Variants in ROR1 observed in about 807,000 individuals in gnomAD.
ROR1 encodes inactive tyrosine-protein kinase transmembrane receptor ROR1.
Under a neutral mutation model 78.8 loss-of-function variants are expected in ROR1, and 19 were observed. That is an observed-to-expected ratio of 0.24 (90% CI 0.17 to 0.35). The LOEUF is 0.35. ROR1 is among the 10% of genes least tolerant of loss of function. The pLI is 1.00. For missense variants in ROR1, 917 were observed against 1,177.8 expected, an observed-to-expected ratio of 0.78 and a Z score of 3.24; for synonymous variants, 386 against 433.6, an observed-to-expected ratio of 0.89 and a Z score of 1.36.
At chr1:64,140,695 A>C (rs1397595664) in intron 6 of ROR1, among the ~76,000 whole-genome samples, 15 of 152,184 alleles carry the variant, frequency 9.9e-5, no homozygotes, top group Admixed American at 9.8e-4. Context: ...TCTACTCCTG[A>C]GTATGTAATC....
At chr1:64,163,768 C>G (rs973465792) in intron 8 of ROR1, among the ~76,000 whole-genome samples, 1 of 152,168 alleles carries the variant, frequency 6.6e-6, no homozygotes, top group Non-Finnish European at 1.5e-5. Flanking sequence ...CAACATGCTT[C>G]CATCTAAAAG....
chr1:64,128,291 CAAAA>C (rs72429774), intron 4 of ROR1, among the ~76,000 whole-genome samples: 2 of 101,252 alleles, frequency 2.0e-5, no homozygotes, highest in African/African-American at 4.1e-5. Flanking sequence ...CCTGTCTCTA[CAAAA>C]AAAAAAAAAA....
At chr1:64,003,851 A>G (rs566353695) in intron 1 of ROR1, among the ~76,000 whole-genome samples, 3 of 152,358 alleles carry the variant, frequency 2.0e-5, no homozygotes, top group African/African-American at 7.2e-5. Context: ...GCCTTCACCA[A>G]ACAACATCTA....
chr1:63,904,793 A>ACC (rs1645515896), intron 1 of ROR1, among the ~76,000 whole-genome samples: 1 of 152,216 alleles, frequency 6.6e-6, no homozygotes, highest in Non-Finnish European at 1.5e-5. Flanking sequence ...AGCCATCTGT[A>ACC]AGCCAAGGAG....
intron 4 of ROR1, among the ~76,000 whole-genome samples, chr1:64,055,762 C>G (rs1414103254): frequency 6.6e-6 from 1 of 152,160 alleles, no homozygotes; most frequent in Non-Finnish European, 1.5e-5. Flanking sequence ...GTGTGCGACT[C>G]AGTCTTTTTA....
chr1:64,109,322 A>G (rs887117135), intron 4 of ROR1, among the ~76,000 whole-genome samples: 5 of 152,298 alleles, frequency 3.3e-5, no homozygotes, highest in African/African-American at 1.2e-4. Flanking sequence ...TAATCTTCAC[A>G]GTCTTATGAG....
intron 1 of ROR1, among the ~76,000 whole-genome samples, chr1:63,968,277 A>G (rs564649205): frequency 1.5e-4 from 23 of 152,322 alleles, no homozygotes; most frequent in African/African-American, 5.3e-4. Flanking sequence ...ATGCTCAGCA[A>G]TAGGAGAATG....
At chr1:64,140,766 A>AGGG (rs1199732268) in intron 6 of ROR1, among the ~76,000 whole-genome samples, 1 of 152,234 alleles carries the variant, frequency 6.6e-6, no homozygotes, top group African/African-American at 2.4e-5. Flanking sequence ...TAACAACACT[A>AGGG]TTTACAATAG....
chr1:64,058,767 G>A (rs1349416634), intron 4 of ROR1, among the ~76,000 whole-genome samples: 5 of 151,930 alleles, frequency 3.3e-5, no homozygotes, highest in African/African-American at 4.8e-5. Context: ...TTGAGTCCAT[G>A]TTTATAAAAT....
intron 1 of ROR1, among the ~76,000 whole-genome samples, chr1:63,956,268 C>A (rs1330308440): frequency 1.3e-5 from 2 of 152,204 alleles, no homozygotes; most frequent in African/African-American, 4.8e-5. Flanking sequence ...AGCTGGGTGG[C>A]TGGTCCTCCT....
intron 1 of ROR1, among the ~76,000 whole-genome samples, chr1:63,842,291 C>A (rs989295168): frequency 6.6e-6 from 1 of 152,098 alleles, no homozygotes; most frequent in Non-Finnish European, 1.5e-5. Flanking sequence ...CAGAAGGATT[C>A]GTGGGTTAGA....
intron 1 of ROR1, among the ~76,000 whole-genome samples, chr1:63,846,792 C>A (rs757468653): frequency 1.3e-5 from 2 of 152,170 alleles, no homozygotes; most frequent in Non-Finnish European, 2.9e-5. Context: ...CGTAACTCTG[C>A]GCTCTTATGT....
chr1:63,814,488 TTC>T (rs1482078481), intron 1 of ROR1, among the ~76,000 whole-genome samples: 1 of 152,050 alleles, frequency 6.6e-6, no homozygotes, highest in Non-Finnish European at 1.5e-5. Flanking sequence ...TGCACTTTAT[TTC>T]TGTTATTATT....
chr1:64,178,742 G>A lies in ROR1; in HGVS notation c.2701G>A (p.Val901Ile), dbSNP rs749054305. 3.7e-6 allele frequency: 6 copies of A among 1,613,900 alleles called. No homozygotes were observed. Among genetic ancestry groups the A allele is most frequent in the East Asian group, 4.5e-5 (2 of 44,872 alleles). The change falls in exon 9 of 9, where the codon GTT (valine) becomes ATT (isoleucine). Residue 901 changes from valine (V) to isoleucine (I), a missense_variant. By Grantham distance (29) the Val-to-Ile change is conservative. This residue lies in a region of ROR1 where 835 missense variants were observed against 1,069.8 expected (regional missense o/e 0.78). Coordinates refer to ENST00000371079, the MANE Select transcript of ROR1 (RefSeq NM_005012.4). This position sits in a 1 kb window ranked among gnomAD's most constrained non-coding sequence, Gnocchi z 4.3. ...PNHPGGMGIT[V>I]FGNKSQKPYK... Reference sequence around the variant, plus strand: ...TCATCCTGGTGGAATGGGTATCACCGTTTTTGGCAACAAATCTCAAAAACC... The same window carrying A: ...TCATCCTGGTGGAATGGGTATCACCATTTTTGGCAACAAATCTCAAAAACC...
chr1:63,844,423 A>G (rs1298773474), intron 1 of ROR1, among the ~76,000 whole-genome samples: 1 of 152,202 alleles, frequency 6.6e-6, no homozygotes, highest in Non-Finnish European at 1.5e-5. Context: ...AGCTGTAAAT[A>G]TCTACTAATA....
At chr1:63,986,306 A>G (rs1384697939) in intron 1 of ROR1, among the ~76,000 whole-genome samples, 1 of 152,194 alleles carries the variant, frequency 6.6e-6, no homozygotes, top group Non-Finnish European at 1.5e-5. Flanking sequence ...CTTATTCAAT[A>G]CAAACTATAT....
intron 1 of ROR1, among the ~76,000 whole-genome samples, chr1:63,893,639 T>A (rs1302534495): frequency 1.3e-5 from 2 of 152,294 alleles, no homozygotes; most frequent in East Asian, 3.9e-4. Context: ...TGGTTGCCTT[T>A]GCTACATTTA....
At chr1:63,988,602 A>G (rs565003789) in intron 1 of ROR1, among the ~76,000 whole-genome samples, 6 of 152,242 alleles carry the variant, frequency 3.9e-5, no homozygotes, top group Non-Finnish European at 7.4e-5. Context: ...ATCTCCTCCA[A>G]CTAGAACTCT....
intron 7 of ROR1, among the ~76,000 whole-genome samples, chr1:64,154,328 G>C (rs1373578224): frequency 6.6e-6 from 1 of 152,214 alleles, no homozygotes; most frequent in Non-Finnish European, 1.5e-5. Flanking sequence ...TTATTTTATA[G>C]TTTTCAAGTA....
Sources: gnomAD v4.1 joint callset for allele counts (sites outside exome capture counted in the v4.1 genomes callset) on GRCh38, gnomAD v4.1.1 for gene constraint, gnomAD v4.1.1 regional missense constraint, Gnocchi (gnomAD v3.1) non-coding constraint, MANE v1.5 for transcripts, NCBI Gene and HGNC (gene_info 2026-07-23, HGNC 2026-07-21) for gene names.